Variants in NCOR1 observed in about 807,000 individuals in gnomAD.
NCOR1 encodes protein phosphatase 1, regulatory subunit 109.
Under a neutral mutation model 288.1 loss-of-function variants are expected in NCOR1, and 63 were observed. The ratio of observed to expected loss-of-function variants is 0.22; its 90% CI spans 0.18 to 0.27. NCOR1 has a LOEUF of 0.27. Among genes scored for constraint, NCOR1 ranks in the 10% least tolerant of loss-of-function variants. The probability of loss-of-function intolerance (pLI) is 1.00; values close to 1 mark genes in which losing one functional copy is unlikely to be tolerated. For synonymous variants in NCOR1, 1,007 were observed against 1,065.9 expected, an observed-to-expected ratio of 0.94 and a Z score of 1.08; for missense variants, 2,397 against 3,019.2, an observed-to-expected ratio of 0.79 and a Z score of 4.83.
chr17:16,162,464 AG>A (rs2081054651), intron 5 of NCOR1, among the ~76,000 whole-genome samples: 1 of 151,234 alleles, frequency 6.6e-6, no homozygotes. Context: ...CAGATTTAAA[AG>A]GAAAAAAAAA....
chr17:16,085,090 A>G (rs1464006373), intron 23 of NCOR1, among the ~76,000 whole-genome samples: 1 of 152,238 alleles, frequency 6.6e-6, no homozygotes, highest in African/African-American at 2.4e-5. Context: ...ACAACACAGT[A>G]TCAAAAAGAC....
intron 1 of NCOR1, among the ~76,000 whole-genome samples, chr17:16,207,905 G>A (rs1017184127): frequency 1.3e-5 from 2 of 151,760 alleles, no homozygotes; most frequent in Non-Finnish European, 2.9e-5. Flanking sequence ...AATAAGTTAG[G>A]ATTCTTGACT....
intron 15 of NCOR1, 86 bp from the exon 16 acceptor site, chr17:16,121,355 A>G: frequency 8.9e-7 from 1 of 1,127,836 alleles, no homozygotes; most frequent in Non-Finnish European, 1.2e-6. Flanking sequence ...TTATCTAAAT[A>G]GAAATTGAAT....
rs573830213 is a variant in NCOR1, at chr17:16,180,467, T to G, written c.242+6087A>C. 3.3e-5 allele frequency among the ~76,000 whole-genome samples: 5 copies of G among 152,248 alleles called. No individual in the cohort carries two copies. In the East Asian group the frequency reaches 9.6e-4, roughly 29 times the overall value. On this transcript the variant is annotated intron_variant, in intron 3 of 45. Coordinates refer to ENST00000268712, the MANE Select transcript of NCOR1 (RefSeq NM_006311.4). Reference sequence around the variant, plus strand: ...GAAATCACCACCTCATAAAGATATCTGGGGTGGGCTCAGTGGTTCATGCTT... The same window carrying G: ...GAAATCACCACCTCATAAAGATATCGGGGGTGGGCTCAGTGGTTCATGCTT...
At position 16,075,869 on chromosome 17, in the gene NCOR1, A is replaced by G. The variant is rs556319983; in HGVS notation, c.3502-167T>C. 3.3e-5 allele frequency among the ~76,000 whole-genome samples: 5 copies of G among 152,384 alleles called. No homozygotes were observed. In the East Asian group the frequency reaches 7.7e-4, roughly 23 times the overall value. On this transcript the variant is annotated intron_variant, in intron 26 of 45. Coordinates refer to ENST00000268712, the MANE Select transcript of NCOR1 (RefSeq NM_006311.4). ...AGACATTGAATTTTTATCAACATGA[A>G]GACATCCTGTACCTTCATCCTTCAA... is the stretch of plus-strand genomic sequence containing the variant.
intron 27 of NCOR1, among the ~76,000 whole-genome samples, chr17:16,075,332 C>T (rs369520158): frequency 2.6e-5 from 4 of 152,222 alleles, no homozygotes; most frequent in South Asian, 2.1e-4. Context: ...ATGAGCTCTG[C>T]GTTGTTAATT....
chr17:16,107,190 C>A (rs1008416244), intron 19 of NCOR1, among the ~76,000 whole-genome samples: 7 of 151,960 alleles, frequency 4.6e-5, no homozygotes, highest in Non-Finnish European at 7.4e-5. Flanking sequence ...CCACTGCGCC[C>A]GGCCCAGATA....
At chr17:16,177,340 C>CT (rs2084402058) in intron 3 of NCOR1, among the ~76,000 whole-genome samples, 1 of 150,566 alleles carries the variant, frequency 6.6e-6, no homozygotes, top group Non-Finnish European at 1.5e-5. Flanking sequence ...ACGAGGCATG[C>CT]TCTTTATGTT....
At chr17:16,091,121 G>A (rs1252373219) in intron 22 of NCOR1, among the ~76,000 whole-genome samples, 3 of 151,678 alleles carry the variant, frequency 2.0e-5, no homozygotes, top group East Asian at 1.9e-4. Context: ...AAACAGCAAC[G>A]GACCAACTCA....
At chr17:16,067,699 T>C (rs1405086007) in intron 32 of NCOR1, among the ~76,000 whole-genome samples, 195 bp downstream of exon 32, 8 of 152,218 alleles carry the variant, frequency 5.3e-5, no homozygotes, top group Non-Finnish European at 8.8e-5. Context: ...TTTTTAGTTC[T>C]TTACCGGGTG....
chr17:16,124,935 A>C (rs2073736813), intron 15 of NCOR1, among the ~76,000 whole-genome samples: 1 of 152,258 alleles, frequency 6.6e-6, no homozygotes. Context: ...GAAAGTATAT[A>C]TTACTATAAC....
chr17:16,069,350 T>G (rs1014973011), intron 31 of NCOR1, among the ~76,000 whole-genome samples: 1 of 152,158 alleles, frequency 6.6e-6, no homozygotes, highest in African/African-American at 2.4e-5. Flanking sequence ...GGACTTCCCC[T>G]TCTCCTCACT....
At chr17:16,213,900 A>G (rs910075136) in intron 1 of NCOR1, among the ~76,000 whole-genome samples, 3 of 152,204 alleles carry the variant, frequency 2.0e-5, no homozygotes, top group Non-Finnish European at 4.4e-5. Flanking sequence ...AGAGTATTTT[A>G]GTATTGTAAG....
intron 21 of NCOR1, among the ~76,000 whole-genome samples, chr17:16,094,452 TGAATAAATAGA>T (rs1023160132): frequency 3.3e-5 from 5 of 152,312 alleles, no homozygotes; most frequent in Middle Eastern, 3.4e-3. Context: ...TTTAAATATT[TGAATAAATAGA>T]AAATAACTAA....
chr17:16,155,893 T>C (rs922193630), intron 6 of NCOR1, among the ~76,000 whole-genome samples: 1 of 152,094 alleles, frequency 6.6e-6, no homozygotes, highest in Admixed American at 6.5e-5. Context: ...GGAGTACATA[T>C]CAGAAAGCCT....
chr17:16,141,658 T>A (rs1020358505), intron 11 of NCOR1, among the ~76,000 whole-genome samples: 1 of 152,188 alleles, frequency 6.6e-6, no homozygotes. Flanking sequence ...TATTTTTTCA[T>A]CCTGGAGAAA....
intron 19 of NCOR1, among the ~76,000 whole-genome samples, 180 bp downstream of exon 19, chr17:16,108,606 G>A (rs1362652464): frequency 6.6e-6 from 1 of 152,154 alleles, no homozygotes; most frequent in Non-Finnish European, 1.5e-5. Context: ...CATCCTAGGT[G>A]CTACATAAAT....
At chr17:16,167,911 T>G (rs1253207246) in intron 4 of NCOR1, among the ~76,000 whole-genome samples, 1 of 141,620 alleles carries the variant, frequency 7.1e-6, no homozygotes, top group African/African-American at 2.6e-5. Flanking sequence ...CTTCTGCTTA[T>G]CAAAACAGTA....
intron 42 of NCOR1, chr17:16,044,812 G>A: frequency 9.1e-7 from 1 of 1,103,236 alleles, no homozygotes; most frequent in Non-Finnish European, 1.4e-6. Context: ...ACAATGTAGG[G>A]GCTGGTGGAC....
Sources: allele counts gnomAD v4.1 joint callset (sites outside exome capture counted in the v4.1 genomes callset), GRCh38; gene constraint gnomAD v4.1.1; transcripts MANE v1.5; gene names NCBI Gene and HGNC (gene_info 2026-07-23, HGNC 2026-07-21).